PCDHGB7: variants seen among roughly 807,000 people sequenced by gnomAD.
PCDHGB7 encodes the protein protocadherin gamma-B7.
In PCDHGB7, 37 loss-of-function variants were observed where a neutral mutation model predicts 61.4. The observed-to-expected ratio is 0.60, with a 90% CI of 0.46 to 0.79. The LOEUF is 0.79. Ranked by LOEUF, PCDHGB7 falls within the 30% of genes least tolerant of loss-of-function variation. The pLI, the probability that PCDHGB7 is intolerant of heterozygous loss-of-function variation, is 0.00. For missense variants in PCDHGB7, 1,166 were observed against 1,202.5 expected, an observed-to-expected ratio of 0.97 and a Z score of 0.45; for synonymous variants, 464 against 503.5, an observed-to-expected ratio of 0.92 and a Z score of 1.05.
intron 3 of PCDHGB7, chr5:141,508,415 A>T (rs2099868684): frequency 6.6e-6 from 1 of 152,158 alleles, no homozygotes; most frequent in Non-Finnish European, 1.5e-5. Context: ...CCACGCAGAG[A>T]CTTGACCAAG....
rs770596172 is a variant in PCDHGB7, at chr5:141,487,664, G to A, written c.2416-7143G>A. ...AATGCTTGAGGGTTATTCTGATCCA[G>A]GCATATGGCTAGGCCATGTCCTAGA... On this transcript the variant is annotated intron_variant, in intron 1 of 3. Transcript: ENST00000398594. The surrounding 1 kb of genome is among the most constrained non-coding windows in gnomAD (Gnocchi z 5.0). 1.9e-5 allele frequency: 31 copies of A among 1,613,048 alleles called. No individual in the cohort carries two copies. The South Asian group carries it at 3.4e-4, about 18-fold the overall frequency.
Position 141,489,653 on chromosome 5 carries a change from G to A in PCDHGB7, c.2416-5154G>A, listed in dbSNP as rs752269910. 2.0e-5 allele frequency: 33 copies of A among 1,614,164 alleles called. No individual in the cohort carries two copies. In the East Asian group the frequency reaches 4.9e-4, roughly 24 times the overall value. ...TCTCCTAGCTTTGCCACCCCTGAGC[G>A]AGAGATGCGCATCTCAGAATCAGCA... On this transcript the variant is annotated intron_variant, in intron 1 of 3. Transcript: ENST00000398594. This position sits in a 1 kb window ranked among gnomAD's most constrained non-coding sequence, Gnocchi z 4.5.
chr5:141,433,164 A>G, intron 1 of PCDHGB7: 3 of 1,613,600 alleles, frequency 1.9e-6, no homozygotes, highest in Non-Finnish European at 2.5e-6. Context: ...TTTTCTAAAG[A>G]CAGTCATGGG....
In PCDHGB7 at chr5:141,485,589, A is replaced by G. The variant is rs1407992185; in HGVS notation, c.2416-9218A>G. 6.2e-7 allele frequency: 1 copy of G among 1,612,610 alleles called. No homozygotes were observed. Among genetic ancestry groups the G allele is most frequent in the Non-Finnish European group, 8.5e-7 (1 of 1,178,834 alleles). On this transcript the variant is annotated intron_variant, in intron 1 of 3. Coordinates refer to ENST00000398594, the MANE Select transcript of PCDHGB7 (RefSeq NM_018927.4). The surrounding 1 kb of genome is among the most constrained non-coding windows in gnomAD (Gnocchi z 5.7). Reference sequence around the variant, plus strand: ...CCCCGTTTTCCGCGGCAGCAGCTGGACTTGGAAATTGGGGAGGCAGCTCCT... The same window carrying G: ...CCCCGTTTTCCGCGGCAGCAGCTGGGCTTGGAAATTGGGGAGGCAGCTCCT...
chr5:141,501,970 T>C (rs2099812082), intron 2 of PCDHGB7, among the ~76,000 whole-genome samples: 1 of 152,068 alleles, frequency 6.6e-6, no homozygotes. Flanking sequence ...TCCTAACCTC[T>C]GGCATCTGGT....
At chr5:141,474,115 G>A (rs1404490690) in intron 1 of PCDHGB7, among the ~76,000 whole-genome samples, 2 of 152,062 alleles carry the variant, frequency 1.3e-5, no homozygotes, top group South Asian at 2.1e-4. Context: ...CAACAACAAC[G>A]AAAATCTCAG....
Position 141,489,088 on chromosome 5 carries a change from G to GCCA in PCDHGB7, c.2416-5719_2416-5718insCCA. ...CCCCTGCCCACCCCCGCCACTCGGTGACTAAGAACTGCTGCAAGCAGGCAA... is the reference window on the plus strand; with the variant it reads ...CCCCTGCCCACCCCCGCCACTCGGTGCCAACTAAGAACTGCTGCAAGCAGGCAA... On this transcript the variant is annotated intron_variant, in intron 1 of 3. Coordinates refer to ENST00000398594, the MANE Select transcript of PCDHGB7 (RefSeq NM_018927.4). This position sits in a 1 kb window ranked among gnomAD's most constrained non-coding sequence, Gnocchi z 4.5. The GCCA allele has an allele frequency of 2.9e-6, 1 of 347,238 alleles. No individual in the cohort carries two copies. 21.5% of individuals were successfully genotyped at this position (347,238 alleles called of 1,614,324 possible). A position where few individuals can be genotyped will look rare whatever the true frequency, so the allele number is the denominator to read the frequency against.
chr5:141,445,334 A>G (rs1337991795), intron 1 of PCDHGB7, among the ~76,000 whole-genome samples: 1 of 152,224 alleles, frequency 6.6e-6, no homozygotes, highest in African/African-American at 2.4e-5. Context: ...ATCCAGAAAC[A>G]GTAAACATTG....
intron 1 of PCDHGB7, among the ~76,000 whole-genome samples, chr5:141,466,975 A>C (rs769024064): frequency 2.6e-5 from 4 of 151,842 alleles, no homozygotes; most frequent in Non-Finnish European, 5.9e-5. Context: ...CTCACAGCTC[A>C]TCATTTACCT....
Position 141,490,293 on chromosome 5 carries a change from A to G in PCDHGB7, c.2416-4514A>G, listed in dbSNP as rs1316965652. On this transcript the variant is annotated intron_variant, in intron 1 of 3. Transcript: ENST00000398594. The surrounding 1 kb of genome is among the most constrained non-coding windows in gnomAD (Gnocchi z 5.4). ...TCAATGACAATGCCCCAGAGGTGCTATTGGCCTCTTTGGCCAACCCTGTCC... is the reference window on the plus strand; with the variant it reads ...TCAATGACAATGCCCCAGAGGTGCTGTTGGCCTCTTTGGCCAACCCTGTCC... The G allele has an allele frequency of 1.2e-6, 2 of 1,614,190 alleles. No individual in the cohort carries two copies. The highest frequency in any genetic ancestry group is 8.5e-7 in the Non-Finnish European group (1 of 1,180,028).
chr5:141,499,402 A>G (rs2099791723), intron 2 of PCDHGB7, among the ~76,000 whole-genome samples: 2 of 152,212 alleles, frequency 1.3e-5, no homozygotes, highest in South Asian at 4.1e-4. Context: ...GTACATGCTC[A>G]TTATAGAAAC....
intron 1 of PCDHGB7, among the ~76,000 whole-genome samples, chr5:141,452,267 G>C (rs995249228): frequency 1.3e-5 from 2 of 151,882 alleles, no homozygotes; most frequent in Non-Finnish European, 2.9e-5. Context: ...TCATTTTCTT[G>C]AACCCTTTCT....
rs1190624035 is a variant in PCDHGB7, at chr5:141,432,332, T to G, written c.2415+12058T>G. ...GCTGAGCTCCTTCGACTACGAGCAG[T>G]TCCGAGACTTGCAAGTGAAAGTGAT... On this transcript the variant is annotated intron_variant, in intron 1 of 3. Coordinates refer to ENST00000398594, the MANE Select transcript of PCDHGB7 (RefSeq NM_018927.4). The surrounding 1 kb of genome is among the most constrained non-coding windows in gnomAD (Gnocchi z 6.0). The G allele has an allele frequency of 2.5e-6, 4 of 1,614,116 alleles. No homozygotes were observed. In the African/African-American group the frequency reaches 5.3e-5, roughly 22 times the overall value.
chr5:141,505,283 G>A, intron 2 of PCDHGB7, 110 bp from the exon 3 acceptor site: 5 of 1,547,446 alleles, frequency 3.2e-6, no homozygotes, highest in Non-Finnish European at 3.5e-6. Flanking sequence ...ACAGGTCTTG[G>A]GCATGGGGTA....
chr5:141,511,055 A>ATG lies in PCDHGB7; in HGVS notation c.2674_2675dup (p.Tyr893SerfsTer10). 1 of 1,614,218 alleles carries ATG rather than the reference A, an allele frequency of 6.2e-7. No individual in the cohort carries two copies. The highest frequency in any genetic ancestry group is 8.5e-7 in the Non-Finnish European group (1 of 1,180,026). On this transcript the variant is annotated frameshift_variant, in exon 4 of 4. Coordinates refer to ENST00000398594, the MANE Select transcript of PCDHGB7 (RefSeq NM_018927.4). LOFTEE classifies it high-confidence loss of function. Reference sequence around the variant, plus strand: ...CAGCACGTGCCCGACTACCGCCAGAATGTCTACATCCCAGGCAGCAATGCC... The same window carrying ATG: ...CAGCACGTGCCCGACTACCGCCAGAATGTGTCTACATCCCAGGCAGCAATGCC...
chr5:141,492,829 C>T (rs2099744241), intron 1 of PCDHGB7, among the ~76,000 whole-genome samples: 1 of 152,232 alleles, frequency 6.6e-6, no homozygotes, highest in Non-Finnish European at 1.5e-5. Context: ...CGGCCCCTTC[C>T]TCCCGCAGGA....
chr5:141,436,487 A>G (rs2097826897), intron 1 of PCDHGB7, among the ~76,000 whole-genome samples: 2 of 152,196 alleles, frequency 1.3e-5, no homozygotes, highest in Non-Finnish European at 2.9e-5. Context: ...GAAGGATAGC[A>G]GCTTTGCAAT....
At position 141,460,491 on chromosome 5, in the gene PCDHGB7, A is replaced by G. The variant is rs544539917; in HGVS notation, c.2416-34316A>G. Among the ~76,000 whole-genome samples, 240 of 152,272 alleles carry G rather than the reference A, an allele frequency of 1.6e-3. 1 individual carries two copies. Among genetic ancestry groups the G allele is most frequent in the Non-Finnish European group, 2.6e-3 (177 of 68,014 alleles). On this transcript the variant is annotated intron_variant, in intron 1 of 3. Transcript: ENST00000398594. ...AAGGAATATCCAATTGTCTCTTTGG[A>G]AAAATATGCTGAGAAGGCTATCTTT...
intron 1 of PCDHGB7, among the ~76,000 whole-genome samples, chr5:141,456,033 G>A (rs1398584179): frequency 6.6e-6 from 1 of 151,884 alleles, no homozygotes; most frequent in Non-Finnish European, 1.5e-5. Flanking sequence ...GAGTAGCTGG[G>A]ACTACAGGCG....
Sources: allele counts gnomAD v4.1 joint callset (sites outside exome capture counted in the v4.1 genomes callset), GRCh38; gene constraint gnomAD v4.1.1; non-coding constraint Gnocchi (gnomAD v3.1); transcripts MANE v1.5; gene names NCBI Gene and HGNC (gene_info 2026-07-23, HGNC 2026-07-21).